ZNF283: variants seen among roughly 807,000 people sequenced by gnomAD.
The protein encoded by ZNF283 is zinc finger protein 283.
Under a neutral mutation model 9.2 loss-of-function variants are expected in ZNF283, and 10 were observed. The ratio of observed to expected loss-of-function variants is 1.09; its 90% confidence interval spans 0.67 to 1.85. ZNF283 has a LOEUF of 1.85. Ranked by LOEUF, ZNF283 falls within the 40% of genes most tolerant of loss-of-function variation. The pLI, the probability that ZNF283 is intolerant of heterozygous loss-of-function variation, is 0.00. For synonymous variants in ZNF283, 234 were observed against 244.1 expected, an observed-to-expected ratio of 0.96 and a Z score of 0.38; for missense variants, 631 against 760.1, an observed-to-expected ratio of 0.83 and a Z score of 2.00.
chr19:43,836,432 C>G (rs1001771281), intron 5 of ZNF283, among the ~76,000 whole-genome samples: 1 of 152,332 alleles, frequency 6.6e-6, no homozygotes, highest in Non-Finnish European at 1.5e-5. Context: ...ACTTCTCCCT[C>G]CCAGGTTCAA....
Position 43,847,130 on chromosome 19 carries a change from C to G in ZNF283, c.529C>G (p.Gln177Glu). The change falls in exon 7 of 7, where the codon CAA (glutamine) becomes GAA (glutamate). Residue 177 changes from glutamine to glutamate, a missense_variant. Coordinates refer to ENST00000618787, the MANE Select transcript of ZNF283 (RefSeq NM_181845.2). The part of the protein sequence containing the change: ...LKGHQEGYFS[Q>E]MIISYEKIPS... The stretch of plus-strand genomic sequence containing the variant: ...AGGACATCAAGAGGGATACTTCAGT[C>G]AAATGATAATCAGCTATGAAAAAAT... The G allele has an allele frequency of 6.2e-7, 1 of 1,613,212 alleles. No homozygotes were observed. The highest frequency in any genetic ancestry group is 8.5e-7 in the Non-Finnish European group (1 of 1,179,510).
Position 43,848,769 on chromosome 19 carries a change from T to C in ZNF283, c.*128T>C, listed in dbSNP as rs909961836. ...GCCATTCATTTCTGTTTATGGGCAATTATCTTGCTATCCAGCAATTCATAC... is the reference window on the plus strand; with the variant it reads ...GCCATTCATTTCTGTTTATGGGCAACTATCTTGCTATCCAGCAATTCATAC... On this transcript the variant is annotated 3_prime_UTR_variant, in exon 7 of 7. Transcript: ENST00000618787. 2.3e-6 allele frequency: 2 copies of C among 885,092 alleles called. No individual in the cohort carries two copies. Among genetic ancestry groups the C allele is most frequent in the Non-Finnish European group, 1.6e-6 (1 of 616,364 alleles). 54.8% of individuals were successfully genotyped at this position (885,092 alleles called of 1,614,324 possible). A position where few individuals can be genotyped will look rare whatever the true frequency, so the allele number is the denominator to read the frequency against.
rs1971533997 is a variant in ZNF283 at position 43,848,846 on chromosome 19, G to T, written c.*205G>T. 2 of 442,524 alleles carry T rather than the reference G, an allele frequency of 4.5e-6. No homozygotes were observed. Among genetic ancestry groups the T allele is most frequent in the Admixed American group, 7.5e-5 (2 of 26,662 alleles). The allele number at this position is 442,524 out of a possible 1,614,324, so 27.4% of individuals were successfully genotyped here. ...AATATGAAAAGGCCTTTAGACTTCT[G>T]TACAGTCTTATTGGATATCAATTTA... On this transcript the variant is annotated 3_prime_UTR_variant, in exon 7 of 7. Transcript: ENST00000618787.
chr19:43,838,654 C>T (rs548655902), intron 6 of ZNF283, among the ~76,000 whole-genome samples: 82 of 152,260 alleles, frequency 5.4e-4, no homozygotes, highest in Middle Eastern at 3.4e-3. Flanking sequence ...TTGTGTTCCT[C>T]TTTAAACTTT....
chr19:43,836,114 T>C (rs891009885), intron 5 of ZNF283, among the ~76,000 whole-genome samples: 1 of 152,164 alleles, frequency 6.6e-6, no homozygotes, highest in Non-Finnish European at 1.5e-5. Context: ...TACAGAAATT[T>C]TGTTCAGCCT....
Position 43,851,335 on chromosome 19 carries a change from C to T in ZNF283, c.*2694C>T, listed in dbSNP as rs542048193. ...AAGGAGGATTTTACAGTTAAAGAAGCTTATAAAGTAGCATCTACTAAATCC... is the reference window on the plus strand; with the variant it reads ...AAGGAGGATTTTACAGTTAAAGAAGTTTATAAAGTAGCATCTACTAAATCC... On this transcript the variant is annotated 3_prime_UTR_variant, in exon 7 of 7. Transcript: ENST00000618787. The T allele has an allele frequency of 6.6e-6, 1 of 151,208 alleles. No individual in the cohort carries two copies. The highest frequency in any genetic ancestry group is 1.5e-5 in the Non-Finnish European group (1 of 67,900). 9.4% of individuals were successfully genotyped at this position (151,208 alleles called of 1,614,324 possible). A position where few individuals can be genotyped will look rare whatever the true frequency, so the allele number is the denominator to read the frequency against.
At chr19:43,830,319 C>T (rs1970649409) in intron 2 of ZNF283, among the ~76,000 whole-genome samples, 1 of 152,102 alleles carries the variant, frequency 6.6e-6, no homozygotes, top group African/African-American at 2.4e-5. Context: ...CTCAAGTGAT[C>T]TGCCTGCCTC....
At chr19:43,835,394 G>T in intron 4 of ZNF283, 111 bp from the exon 5 acceptor site, 1 of 717,090 alleles carries the variant, frequency 1.4e-6, no homozygotes, top group Non-Finnish European at 2.5e-6. Context: ...TAAATGGTGC[G>T]TGGGGTGTGT....
chr19:43,828,901 G>T (rs1260427252), intron 2 of ZNF283, among the ~76,000 whole-genome samples: 1 of 152,178 alleles, frequency 6.6e-6, no homozygotes, highest in Admixed American at 6.5e-5. Flanking sequence ...TGACAATGTT[G>T]TCTGCTTTGT....
At position 43,833,484 on chromosome 19, in the gene ZNF283, CTTTTTTT is replaced by C; in HGVS notation, c.1-10_1-4del. On this transcript the variant is annotated splice_polypyrimidine_tract_variant and intron_variant, in intron 3 of 6. Transcript: ENST00000618787. ...GTGTTTCTTTCTTCTTTACCTATTT[CTTTTTTT>C]TTTTTTTTTTCAGATGGAGTCTCGC... The C allele has an allele frequency of 7.4e-6, 1 of 135,466 alleles. No homozygotes were observed. The allele number at this position is 135,466 out of a possible 1,614,324, so 8.4% of individuals were successfully genotyped here. A position where few individuals can be genotyped will look rare whatever the true frequency, so the allele number is the denominator to read the frequency against.
At chr19:43,829,510 A>G (rs1006944091) in intron 2 of ZNF283, among the ~76,000 whole-genome samples, 3 of 152,222 alleles carry the variant, frequency 2.0e-5, no homozygotes, top group African/African-American at 7.2e-5. Flanking sequence ...TGCCACATCT[A>G]TAAAATAGGG....
rs182718468 is a variant in ZNF283 at position 43,833,599 on chromosome 19, T to C, written c.95T>C (p.Leu32Pro). Residue 32 changes from leucine to proline, a missense_variant, in exon 4 of 7, where the codon CTC becomes CCC. Physicochemically the swap from Leu to Pro is moderately conservative, Grantham distance 98. Coordinates refer to ENST00000618787, the MANE Select transcript of ZNF283 (RefSeq NM_181845.2). ...CCTGGGTTCACGCTATTCTCCTGCC[T>C]CAGCCTCCTGAGTAGCTGGGACTAC... is the stretch of plus-strand genomic sequence containing the variant. ...PPPGFTLFSCLSLLSSWDYSS... is the reference protein window; with the variant it reads ...PPPGFTLFSCPSLLSSWDYSS... The C allele has an allele frequency of 6.3e-3, 1,030 of 162,696 alleles. 3 individuals are homozygous for C. The highest frequency in any genetic ancestry group is 0.022 in the African/African-American group (892 of 41,006). 10.1% of individuals were successfully genotyped at this position (162,696 alleles called of 1,614,324 possible). A position where few individuals can be genotyped will look rare whatever the true frequency, so the allele number is the denominator to read the frequency against.
At chr19:43,845,456 T>C (rs1255857526) in intron 6 of ZNF283, among the ~76,000 whole-genome samples, 1 of 152,152 alleles carries the variant, frequency 6.6e-6, no homozygotes, top group East Asian at 1.9e-4. Context: ...ACAAGAACAA[T>C]AGTTGTGACT....
At position 43,831,363 on chromosome 19, in the gene ZNF283, A is replaced by G. The variant is rs748159414; in HGVS notation, c.-19A>G. 11 of 1,595,974 alleles carry G rather than the reference A, an allele frequency of 6.9e-6. No homozygotes were observed. Among genetic ancestry groups the G allele is most frequent in the African/African-American group, 5.3e-5 (4 of 74,920 alleles). ...TGTCTCATTACATTGAATAACAGCT[A>G]CAGGATGTTCGAGAGCTGGTAGGTG... On this transcript the variant is annotated 5_prime_UTR_variant, in exon 3 of 7. Coordinates refer to ENST00000618787, the MANE Select transcript of ZNF283 (RefSeq NM_181845.2).
intron 6 of ZNF283, among the ~76,000 whole-genome samples, chr19:43,846,130 T>C (rs1384696069): frequency 6.6e-6 from 1 of 152,206 alleles, no homozygotes; most frequent in Non-Finnish European, 1.5e-5. Flanking sequence ...GATCATTTTG[T>C]CTAAGTGAAT....
At chr19:43,842,436 G>A (rs1971249122) in intron 6 of ZNF283, among the ~76,000 whole-genome samples, 1 of 151,834 alleles carries the variant, frequency 6.6e-6, no homozygotes, top group Non-Finnish European at 1.5e-5. Context: ...TAGATGCCAT[G>A]TTGTAGTGAC....
intron 6 of ZNF283, chr19:43,837,539 G>A: frequency 2.9e-6 from 1 of 340,126 alleles, no homozygotes; most frequent in Non-Finnish European, 5.3e-6. Flanking sequence ...CTTGTGCTGA[G>A]CACTGTCAAT....
rs1432678727 is a variant in ZNF283 at position 43,848,264 on chromosome 19, G to A, written c.1663G>A (p.Gly555Ser). 1 of 1,612,910 alleles carries A rather than the reference G, an allele frequency of 6.2e-7. No individual in the cohort carries two copies. Among genetic ancestry groups the A allele is most frequent in the Admixed American group, 1.7e-5 (1 of 59,830 alleles). Residue 555 changes from glycine (G) to serine (S), a missense_variant, in exon 7 of 7, where the codon GGC becomes AGC. Coordinates refer to ENST00000618787, the MANE Select transcript of ZNF283 (RefSeq NM_181845.2). ...CKECGKAFSR[G>S]YHLTQHQKIH... ...AGAATGTGGGAAGGCTTTTAGTCGT[G>A]GCTATCACCTTACTCAACATCAGAA...
chr19:43,849,742 A>G lies in ZNF283; in HGVS notation c.*1101A>G, dbSNP rs148775148. The G allele has an allele frequency of 1.3e-5, 2 of 152,346 alleles. No individual in the cohort carries two copies. Among genetic ancestry groups the G allele is most frequent in the East Asian group, 1.9e-4 (1 of 5,188 alleles). 9.4% of individuals were successfully genotyped at this position (152,346 alleles called of 1,614,324 possible). A position where few individuals can be genotyped will look rare whatever the true frequency, so the allele number is the denominator to read the frequency against. ...AGCAAAATGCTTATCTCTTCTGGAC[A>G]TGATGTTTCAAATGCTGATGGTAAC... On this transcript the variant is annotated 3_prime_UTR_variant, in exon 7 of 7. Transcript: ENST00000618787.
Sources: allele counts gnomAD v4.1 joint callset (sites outside exome capture counted in the v4.1 genomes callset), GRCh38; gene constraint gnomAD v4.1.1; transcripts MANE v1.5; gene names NCBI Gene and HGNC (gene_info 2026-07-23, HGNC 2026-07-21).